The following BLOC1S5 variants were observed in gnomAD, a reference collection of about 807,000 sequenced individuals.
The protein encoded by BLOC1S5 is biogenesis of lysosomal organelles complex 1 subunit 5, also known as biogenesis of lysosome-related organelles complex 1 subunit 5.
BLOC1S5 carries 27 observed loss-of-function variants against 24.3 expected under a neutral mutation model. The ratio of observed to expected loss-of-function variants is 1.11; its 90% CI spans 0.82 to 1.53. The LOEUF is 1.53. Ranked by LOEUF, BLOC1S5 falls within the 40% of genes most tolerant of loss-of-function variation. BLOC1S5 has a pLI of 0.00. For synonymous variants in BLOC1S5, 84 were observed against 74.5 expected (o/e 1.13, Z -0.66); for missense variants, 239 against 229.4 (o/e 1.04, Z -0.27).
chr6:8,057,072 A>C (rs1764335568), intron 2 of BLOC1S5, among the ~76,000 whole-genome samples: 1 of 152,116 alleles, frequency 6.6e-6, no homozygotes, highest in South Asian at 2.1e-4. Context: ...ATACAAAATT[A>C]GCTGGACATG....
At chr6:8,056,820 CTTAT>C (rs965131576) in intron 2 of BLOC1S5, among the ~76,000 whole-genome samples, 30 of 152,324 alleles carry the variant, frequency 2.0e-4, no homozygotes, top group African/African-American at 7.2e-4. Flanking sequence ...AAGAGAACTA[CTTAT>C]TTAAAGGGTT....
intron 2 of BLOC1S5, among the ~76,000 whole-genome samples, chr6:8,041,655 C>CTTTCTTTTTTTTTTTTTTT (rs111955375): frequency 8.9e-6 from 1 of 111,870 alleles, no homozygotes; most frequent in Admixed American, 1.1e-4. Context: ...TTCTTTCTTT[C>CTTTCTTTTTTTTTTTTTTT]TTTTTTTTTG....
At position 8,022,775 on chromosome 6, in the gene BLOC1S5, G is replaced by T. The variant is rs1028102967; in HGVS notation, c.384+3592C>A. ...AATTTTTTGTATTTTTAGTAGAGAC[G>T]GGGTTTCACCGTTTTAGCCGGGATG... On this transcript the variant is annotated intron_variant, in intron 4 of 4. Coordinates refer to ENST00000397457, the MANE Select transcript of BLOC1S5 (RefSeq NM_201280.3). 7.7e-5 allele frequency among the ~76,000 whole-genome samples: 11 copies of T among 143,260 alleles called. 1 individual carries two copies. Among genetic ancestry groups the T allele is most frequent in the African/African-American group, 1.2e-4 (4 of 34,178 alleles). The allele number at this position is 143,260 out of a possible 152,430, so 94.0% of individuals were successfully genotyped here.
At chr6:8,048,967 T>C (rs1229357156) in intron 2 of BLOC1S5, among the ~76,000 whole-genome samples, 1 of 143,794 alleles carries the variant, frequency 7.0e-6, no homozygotes, top group African/African-American at 2.6e-5. Flanking sequence ...TGAGTCGAGA[T>C]CACACCACTT....
intron 2 of BLOC1S5, among the ~76,000 whole-genome samples, chr6:8,048,452 A>G (rs1156338548): frequency 6.6e-6 from 1 of 152,164 alleles, no homozygotes; most frequent in African/African-American, 2.4e-5. Context: ...AAAAATAGAT[A>G]TATCTTGAGT....
At chr6:8,061,485 C>A (rs1421177475) in intron 2 of BLOC1S5, among the ~76,000 whole-genome samples, 2 of 152,084 alleles carry the variant, frequency 1.3e-5, no homozygotes, top group Non-Finnish European at 2.9e-5. Flanking sequence ...TAGTTAATTC[C>A]TAGGTCCCAG....
chr6:8,060,239 G>C (rs1764466194), intron 2 of BLOC1S5, among the ~76,000 whole-genome samples: 2 of 152,176 alleles, frequency 1.3e-5, no homozygotes, highest in African/African-American at 4.8e-5. Context: ...CAGCATCTTA[G>C]GAAGATGGAA....
At chr6:8,016,735 G>A (rs9379152) in intron 4 of BLOC1S5, among the ~76,000 whole-genome samples, 23,757 of 151,766 alleles carry the variant, frequency 0.16, 1,930 homozygotes, top group Admixed American at 0.19. Context: ...GTGTGGTGGC[G>A]TGCACCTGTG....
chr6:8,027,237 G>A (rs1299096186), intron 3 of BLOC1S5: 1 of 430,412 alleles, frequency 2.3e-6, no homozygotes, highest in Non-Finnish European at 4.7e-6. Context: ...TAGTGTGCAG[G>A]TTAAGAGTGA....
intron 3 of BLOC1S5, among the ~76,000 whole-genome samples, chr6:8,028,918 G>A (rs939296232): frequency 7.9e-5 from 12 of 151,786 alleles, no homozygotes; most frequent in Admixed American, 3.9e-4. Flanking sequence ...AACTCAGTAC[G>A]AAGTCATTTC....
intron 3 of BLOC1S5, among the ~76,000 whole-genome samples, chr6:8,037,526 A>G (rs1763527883): frequency 6.6e-6 from 1 of 152,226 alleles, no homozygotes; most frequent in Non-Finnish European, 1.5e-5. Flanking sequence ...GAAGAATGCC[A>G]TTAAAGTGAC....
chr6:8,062,099 G>A (rs1196206062), intron 2 of BLOC1S5, among the ~76,000 whole-genome samples: 2 of 152,152 alleles, frequency 1.3e-5, no homozygotes, highest in Non-Finnish European at 2.9e-5. Context: ...CTAAAAGATG[G>A]GGTCACTGAA....
intron 3 of BLOC1S5, among the ~76,000 whole-genome samples, chr6:8,030,829 G>A (rs944787822): frequency 7.3e-6 from 1 of 137,726 alleles, no homozygotes; most frequent in Admixed American, 8.1e-5. Context: ...CCAAGATCAC[G>A]CCACTGCACT....
At chr6:8,061,769 G>C (rs1364583759) in intron 2 of BLOC1S5, among the ~76,000 whole-genome samples, 1 of 152,204 alleles carries the variant, frequency 6.6e-6, no homozygotes, top group African/African-American at 2.4e-5. Flanking sequence ...AGAAGTTACT[G>C]CTTAAAGCAC....
chr6:8,046,333 G>C (rs188607161), intron 2 of BLOC1S5, among the ~76,000 whole-genome samples: 110 of 152,158 alleles, frequency 7.2e-4, no homozygotes, highest in Non-Finnish European at 1.3e-3. Flanking sequence ...TCCCAATCTT[G>C]GGTATGCCTT....
chr6:8,032,436 A>G (rs2744003), intron 3 of BLOC1S5, among the ~76,000 whole-genome samples: 39,148 of 152,114 alleles, frequency 0.26, 6,663 homozygotes, highest in East Asian at 0.73. Flanking sequence ...AAGAATGGCC[A>G]TAATTTAAAA....
intron 3 of BLOC1S5, among the ~76,000 whole-genome samples, chr6:8,027,621 G>A (rs1426372292): frequency 6.6e-6 from 1 of 152,198 alleles, no homozygotes; most frequent in Non-Finnish European, 1.5e-5. Context: ...ATCACCTGAA[G>A]TCAGGAGTTC....
At chr6:8,017,421 G>A (rs979817377) in intron 4 of BLOC1S5, among the ~76,000 whole-genome samples, 1 of 145,050 alleles carries the variant, frequency 6.9e-6, no homozygotes, top group Non-Finnish European at 1.5e-5. Flanking sequence ...CAAAGCACCC[G>A]AAGTCACTGT....
In BLOC1S5 at chr6:8,064,306, TC is replaced by T; in HGVS notation, c.70del (p.Asp24ThrfsTer38). 1 of 1,613,438 alleles carries T rather than the reference TC, an allele frequency of 6.2e-7. No individual in the cohort carries two copies. The highest frequency in any genetic ancestry group is 1.1e-5 in the South Asian group (1 of 91,032). ...CGCTGAGCCCGCAGTCCCCAGGGAG[TC>T]CCTCTTCTTGCTGCCACCGCCCGGG... ...AAPGGGSKKR[D>X]SLGTAGSAHL... On this transcript the variant is annotated frameshift_variant, in exon 1 of 5. Transcript: ENST00000397457. LOFTEE classifies it high-confidence loss of function.
Sources: allele counts gnomAD v4.1 joint callset (sites outside exome capture counted in the v4.1 genomes callset), GRCh38; gene constraint gnomAD v4.1.1; transcripts MANE v1.5; gene names NCBI Gene and HGNC (gene_info 2026-07-23, HGNC 2026-07-21).